ANO4: variants seen among roughly 807,000 people sequenced by gnomAD.
ANO4 encodes the protein anoctamin 4, also known as anoctamin-4.
ANO4 carries 69 observed loss-of-function variants against 141.9 expected under a neutral mutation model. The observed-to-expected ratio is 0.49, with a 90% CI of 0.40 to 0.59. The LOEUF is 0.59. Among genes scored for constraint, ANO4 ranks in the 20% least tolerant of loss-of-function variants. ANO4 has a pLI of 0.00. For missense variants in ANO4, 894 were observed against 1,162.2 expected (o/e 0.77, Z 3.36); for synonymous variants, 350 against 394.3 (o/e 0.89, Z 1.33).
intron 5 of ANO4, among the ~76,000 whole-genome samples, chr12:100,961,344 C>T (rs868793521): frequency 1.3e-5 from 2 of 152,162 alleles, no homozygotes; most frequent in African/African-American, 2.4e-5. Context: ...CTCCCACTGC[C>T]GGTGGTCTTG....
chr12:100,768,684 T>C (rs1386521610), intron 3 of ANO4, among the ~76,000 whole-genome samples: 6 of 152,232 alleles, frequency 3.9e-5, no homozygotes, highest in African/African-American at 1.4e-4. Flanking sequence ...TGGTTTATTA[T>C]GGCTTTGAGT....
At chr12:100,779,671 T>C (rs1160622624) in intron 3 of ANO4, among the ~76,000 whole-genome samples, 1 of 152,216 alleles carries the variant, frequency 6.6e-6, no homozygotes, top group Non-Finnish European at 1.5e-5. Flanking sequence ...TGTAGGTTGG[T>C]ATGCCAGACT....
intron 1 of ANO4, among the ~76,000 whole-genome samples, chr12:100,843,622 T>C (rs2037397167): frequency 6.6e-6 from 1 of 152,210 alleles, no homozygotes; most frequent in Non-Finnish European, 1.5e-5. Context: ...GACGACGACA[T>C]GACCACATAA....
intron 7 of ANO4, among the ~76,000 whole-genome samples, chr12:100,979,813 C>T (rs200729901): frequency 3.9e-5 from 6 of 151,910 alleles, no homozygotes; most frequent in East Asian, 3.9e-4. Flanking sequence ...CTGCAAGCTC[C>T]GCCTCCCGGG....
At chr12:100,781,564 A>G (rs1390241358) in intron 3 of ANO4, among the ~76,000 whole-genome samples, 1 of 152,106 alleles carries the variant, frequency 6.6e-6, no homozygotes, top group Non-Finnish European at 1.5e-5. Context: ...CTTCCCTACT[A>G]GATTGGATTT....
intron 2 of ANO4, among the ~76,000 whole-genome samples, chr12:100,921,606 G>A (rs2041633936): frequency 6.6e-6 from 1 of 152,116 alleles, no homozygotes; most frequent in Non-Finnish European, 1.5e-5. Flanking sequence ...TTCTATAGGT[G>A]TATGGAGCAG....
intron 14 of ANO4, among the ~76,000 whole-genome samples, chr12:101,057,025 C>G (rs2136704526): frequency 6.6e-6 from 1 of 151,388 alleles, no homozygotes; most frequent in Non-Finnish European, 1.5e-5. Flanking sequence ...CCCCAACAGG[C>G]CCCAGTGTGT....
At chr12:100,734,393 CT>C (rs1205782494) in intron 2 of ANO4, among the ~76,000 whole-genome samples, 1 of 152,134 alleles carries the variant, frequency 6.6e-6, no homozygotes, top group Non-Finnish European at 1.5e-5. Flanking sequence ...TGCCATTTTT[CT>C]TTTGGTTGAA....
intron 3 of ANO4, among the ~76,000 whole-genome samples, chr12:100,929,466 A>C (rs922849790): frequency 6.6e-6 from 1 of 152,172 alleles, no homozygotes; most frequent in Non-Finnish European, 1.5e-5. Flanking sequence ...TTATAGCTGA[A>C]TAGTACTGCA....
At chr12:100,747,613 G>A (rs915695743) in intron 3 of ANO4, among the ~76,000 whole-genome samples, 4 of 152,198 alleles carry the variant, frequency 2.6e-5, no homozygotes, top group Non-Finnish European at 4.4e-5. Context: ...GGTGGCTCAC[G>A]CCTGTAATCC....
intron 19 of ANO4, among the ~76,000 whole-genome samples, chr12:101,097,341 C>A (rs571778815): frequency 4.3e-4 from 66 of 152,158 alleles, no homozygotes; most frequent in Middle Eastern, 6.8e-3. Context: ...GTGTTTAAAT[C>A]CAGGAGTAAA....
At chr12:100,824,757 G>C (rs1048383455) in intron 1 of ANO4, among the ~76,000 whole-genome samples, 1 of 152,036 alleles carries the variant, frequency 6.6e-6, no homozygotes, top group Non-Finnish European at 1.5e-5. Flanking sequence ...AGAGGAAATG[G>C]CTTCACAGAC....
At chr12:100,849,715 TTGCGCA>T (rs1246942562) in intron 1 of ANO4, among the ~76,000 whole-genome samples, 5 of 152,268 alleles carry the variant, frequency 3.3e-5, no homozygotes, top group Non-Finnish European at 7.3e-5. Flanking sequence ...CCATGTCATT[TTGCGCA>T]TGCACATGTA....
chr12:100,993,505 C>T (rs2045233262), intron 8 of ANO4, among the ~76,000 whole-genome samples: 1 of 151,902 alleles, frequency 6.6e-6, no homozygotes, highest in Admixed American at 6.6e-5. Context: ...GGCTACCTGT[C>T]TAAACAACTC....
intron 1 of ANO4, among the ~76,000 whole-genome samples, chr12:100,797,800 A>T (rs1051462201): frequency 6.6e-6 from 1 of 151,382 alleles, no homozygotes. Flanking sequence ...TCTCTTCTTC[A>T]CTTTTGCCAT....
At chr12:100,906,347 G>A (rs1321855652) in intron 2 of ANO4, among the ~76,000 whole-genome samples, 2 of 152,110 alleles carry the variant, frequency 1.3e-5, no homozygotes, top group Non-Finnish European at 1.5e-5. Context: ...ATTCCCAGAG[G>A]GTTCAAAAAA....
At chr12:100,796,502 GT>G (rs2135638682) in intron 1 of ANO4, among the ~76,000 whole-genome samples, 1 of 151,650 alleles carries the variant, frequency 6.6e-6, no homozygotes, top group South Asian at 2.1e-4. Context: ...GTTTTTGTTT[GT>G]TTTTTATTTC....
intron 1 of ANO4, among the ~76,000 whole-genome samples, chr12:100,810,785 C>G (rs184711867): frequency 2.9e-4 from 44 of 152,060 alleles, no homozygotes; most frequent in Admixed American, 1.1e-3. Flanking sequence ...GGAAGTATAG[C>G]CAGGGAGGGT....
intron 3 of ANO4, among the ~76,000 whole-genome samples, chr12:100,759,068 G>A (rs966326181): frequency 1.3e-5 from 2 of 152,066 alleles, no homozygotes; most frequent in Non-Finnish European, 2.9e-5. Context: ...TATATTTTGG[G>A]AGGCACTATT....
Sources: allele counts gnomAD v4.1 joint callset (sites outside exome capture counted in the v4.1 genomes callset), GRCh38; gene constraint gnomAD v4.1.1; transcripts MANE v1.5; gene names NCBI Gene and HGNC (gene_info 2026-07-23, HGNC 2026-07-21).